CAAP1: variants seen among roughly 807,000 people sequenced by gnomAD.
The protein encoded by CAAP1 is conserved anti-apoptotic protein.
Under a neutral mutation model 34.0 loss-of-function variants are expected in CAAP1, and 20 were observed. The observed-to-expected ratio is 0.59, with a 90% CI of 0.41 to 0.86. The LOEUF is 0.86. CAAP1 is among the 40% of genes least tolerant of loss of function. The probability of loss-of-function intolerance (pLI) is 0.00; values close to 1 mark genes in which losing one functional copy is unlikely to be tolerated. For synonymous variants in CAAP1, 213 were observed against 166.7 expected, an observed-to-expected ratio of 1.28 and a Z score of -2.14; for missense variants, 538 against 450.5, an observed-to-expected ratio of 1.19 and a Z score of -1.76.
intron 5 of CAAP1, among the ~76,000 whole-genome samples, chr9:26,853,340 G>A (rs1344916861): frequency 6.6e-6 from 1 of 152,134 alleles, no homozygotes; most frequent in Admixed American, 6.5e-5. Context: ...TTTTAGGGTG[G>A]GTGGGGAGTC....
rs1822490205 is a variant in CAAP1 at position 26,841,965 on chromosome 9, G to C, written c.*336C>G. On this transcript the variant is annotated 3_prime_UTR_variant, in exon 6 of 6. Coordinates refer to ENST00000333916, the MANE Select transcript of CAAP1 (RefSeq NM_024828.4). Reference sequence around the variant, plus strand: ...TGCTTCGTCAATCTTTTGCTTTTAGGTTTGGTGCCCAAACATTTAAAAATA... The same window carrying C: ...TGCTTCGTCAATCTTTTGCTTTTAGCTTTGGTGCCCAAACATTTAAAAATA... 1 of 174,936 alleles carries C rather than the reference G, an allele frequency of 5.7e-6. No individual in the cohort carries two copies. Among genetic ancestry groups the C allele is most frequent in the South Asian group, 1.9e-4 (1 of 5,214 alleles). 10.8% of individuals were successfully genotyped at this position (174,936 alleles called of 1,614,324 possible). A position where few individuals can be genotyped will look rare whatever the true frequency, so the allele number is the denominator to read the frequency against.
At chr9:26,846,242 C>T (rs1388734686) in intron 5 of CAAP1, among the ~76,000 whole-genome samples, 1 of 151,864 alleles carries the variant, frequency 6.6e-6, no homozygotes, top group East Asian at 1.9e-4. Context: ...GATGGTGAAA[C>T]CCCACCTCTA....
intron 1 of CAAP1, among the ~76,000 whole-genome samples, chr9:26,889,977 C>T (rs1823860535): frequency 1.3e-5 from 2 of 151,474 alleles, no homozygotes; most frequent in Non-Finnish European, 2.9e-5. Context: ...CTTTTCTTCA[C>T]AAATACACTA....
chr9:26,876,517 AATGGTCATGCTTCT>A (rs1362418756), intron 4 of CAAP1, among the ~76,000 whole-genome samples: 5 of 148,792 alleles, frequency 3.4e-5, no homozygotes, highest in African/African-American at 4.9e-5. Flanking sequence ...TTTCTATATA[AATGGTCATGCTTCT>A]GTATTGGTAA....
intron 1 of CAAP1, among the ~76,000 whole-genome samples, chr9:26,888,711 A>G (rs980557430): frequency 6.6e-6 from 1 of 152,248 alleles, no homozygotes; most frequent in African/African-American, 2.4e-5. Context: ...AGTTCCTCAA[A>G]AAGTTACCAT....
chr9:26,880,260 C>A, intron 4 of CAAP1: 1 of 410,802 alleles, frequency 2.4e-6, no homozygotes, highest in Non-Finnish European at 4.8e-6. Flanking sequence ...ATAGGCCTCA[C>A]TTGCCTCCCG....
At position 26,876,592 on chromosome 9, in the gene CAAP1, T is replaced by C. The variant is rs114742954; in HGVS notation, c.665+8218A>G. On this transcript the variant is annotated intron_variant, in intron 4 of 5. Coordinates refer to ENST00000333916, the MANE Select transcript of CAAP1 (RefSeq NM_024828.4). ...TTGTACCTTTTCTATGTTTAGATAATATTTGGATACATAAATACTTACCAC... is the reference window on the plus strand; with the variant it reads ...TTGTACCTTTTCTATGTTTAGATAACATTTGGATACATAAATACTTACCAC... 9.6e-3 allele frequency among the ~76,000 whole-genome samples: 1,462 copies of C among 151,586 alleles called. 24 individuals are homozygous for C. The highest frequency in any genetic ancestry group is 0.034 in the African/African-American group (1,390 of 41,392).
chr9:26,856,127 A>AG (rs1822864017), intron 5 of CAAP1, among the ~76,000 whole-genome samples: 26 of 130,248 alleles, frequency 2.0e-4, no homozygotes, highest in Admixed American at 2.0e-3. Context: ...TTTTTTTTAA[A>AG]AGGGGGGGGG....
At chr9:26,873,226 G>A (rs1489514250) in intron 4 of CAAP1, among the ~76,000 whole-genome samples, 1 of 152,166 alleles carries the variant, frequency 6.6e-6, no homozygotes, top group Non-Finnish European at 1.5e-5. Flanking sequence ...AGGGTGACAA[G>A]TGAGCAGCTG....
At chr9:26,889,053 C>T (rs973792782) in intron 1 of CAAP1, among the ~76,000 whole-genome samples, 1 of 152,196 alleles carries the variant, frequency 6.6e-6, no homozygotes, top group Non-Finnish European at 1.5e-5. Flanking sequence ...AGATGCCAGA[C>T]ACAAAACACC....
chr9:26,856,897 A>T lies in CAAP1; in HGVS notation c.739+4169T>A, dbSNP rs1224539866. Among the ~76,000 whole-genome samples the T allele has an allele frequency of 2.6e-5, 4 of 152,346 alleles. No individual in the cohort carries two copies. The South Asian group carries it at 8.3e-4, about 32-fold the overall frequency. On this transcript the variant is annotated intron_variant, in intron 5 of 5. Coordinates refer to ENST00000333916, the MANE Select transcript of CAAP1 (RefSeq NM_024828.4). ...ACTTCCAAGAAAAAATACAAAAACC[A>T]TAAGAACTTAATTTTTGAATTTACA...
At chr9:26,872,659 C>T (rs1384498977) in intron 4 of CAAP1, among the ~76,000 whole-genome samples, 2 of 151,318 alleles carry the variant, frequency 1.3e-5, no homozygotes, top group African/African-American at 2.4e-5. Context: ...TGGGCTCAGG[C>T]AATCCTCCCC....
chr9:26,890,984 A>G (rs1007121078), intron 1 of CAAP1, among the ~76,000 whole-genome samples: 3 of 152,200 alleles, frequency 2.0e-5, no homozygotes, highest in Admixed American at 2.0e-4. Context: ...ATGAAAGTAA[A>G]AATACTGAAT....
At chr9:26,886,225 T>A in intron 2 of CAAP1, 37 bp from the exon 3 acceptor site, 1 of 1,079,362 alleles carries the variant, frequency 9.3e-7, no homozygotes, top group East Asian at 2.8e-5. Context: ...TGCATTTATG[T>A]AACACAGCCC....
At position 26,884,865 on chromosome 9, in the gene CAAP1, C is replaced by A. The variant is rs1246047518; in HGVS notation, c.610G>T (p.Asp204Tyr). 2.5e-6 allele frequency: 4 copies of A among 1,608,544 alleles called. No homozygotes were observed. Among genetic ancestry groups the A allele is most frequent in the Non-Finnish European group, 8.5e-7 (1 of 1,178,486 alleles). ...ILEGDNGMDSDMEEEADDGSK... is the reference protein window; with the variant it reads ...ILEGDNGMDSYMEEEADDGSK... Reference sequence around the variant, plus strand: ...CCATCATCTGCTTCCTCTTCCATATCAGAGTCCATTCCATTGTCACCTTAT... The same window carrying A: ...CCATCATCTGCTTCCTCTTCCATATAAGAGTCCATTCCATTGTCACCTTAT... The change falls in exon 4 of 6, where the codon GAT becomes TAT. Residue 204 changes from aspartate to tyrosine, a missense_variant. Around this residue, in one of 3 missense-constraint regions of CAAP1, gnomAD observed 514 missense variants for 408.4 expected, o/e 1.26. Coordinates refer to ENST00000333916, the MANE Select transcript of CAAP1 (RefSeq NM_024828.4).
At chr9:26,867,797 CTA>C (rs1338680209) in intron 4 of CAAP1, among the ~76,000 whole-genome samples, 5 of 151,990 alleles carry the variant, frequency 3.3e-5, no homozygotes, top group African/African-American at 9.7e-5. Context: ...TTAATATTAA[CTA>C]TTTTATTATT....
rs183018549 is a variant in CAAP1 at position 26,874,636 on chromosome 9, T to C, written c.665+10174A>G. 1.6e-3 allele frequency among the ~76,000 whole-genome samples: 240 copies of C among 152,308 alleles called. 1 individual carries two copies. The highest frequency in any genetic ancestry group is 0.014 in the Middle Eastern group (4 of 294). Reference sequence around the variant, plus strand: ...GTATTTAGAAATGATGGATGTTGTATCTTCACAGTTCCTAATCTTCATCCC... The same window carrying C: ...GTATTTAGAAATGATGGATGTTGTACCTTCACAGTTCCTAATCTTCATCCC... On this transcript the variant is annotated intron_variant, in intron 4 of 5. Transcript: ENST00000333916.
intron 2 of CAAP1, 118 bp from the exon 3 acceptor site, chr9:26,886,306 C>T (rs890689351): frequency 1.4e-5 from 6 of 437,118 alleles, no homozygotes; most frequent in African/African-American, 2.0e-5. Context: ...TAAATTAAAG[C>T]CTCAAGTAGA....
At chr9:26,883,305 G>A (rs1823645836) in intron 4 of CAAP1, among the ~76,000 whole-genome samples, 1 of 152,106 alleles carries the variant, frequency 6.6e-6, no homozygotes, top group Non-Finnish European at 1.5e-5. Flanking sequence ...GAATCATGGG[G>A]GTGGTTTTAG....
Sources: gnomAD v4.1 joint callset for allele counts (sites outside exome capture counted in the v4.1 genomes callset) on GRCh38, gnomAD v4.1.1 for gene constraint, gnomAD v4.1.1 regional missense constraint, MANE v1.5 for transcripts, NCBI Gene and HGNC (gene_info 2026-07-23, HGNC 2026-07-21) for gene names.